Variants in RECQL5 observed in about 807,000 individuals in gnomAD.
RECQL5 encodes RecQ like helicase 5.
In RECQL5, 88 loss-of-function variants were observed where a neutral mutation model predicts 103.4. The observed-to-expected ratio is 0.85, with a 90% CI of 0.72 to 1.02. The LOEUF (loss-of-function observed/expected upper bound fraction) is 1.02, where lower values mean the gene tolerates loss of function less well. RECQL5 is among the 50% of genes least tolerant of loss of function. The pLI is 0.00. For missense variants in RECQL5, 1,232 were observed against 1,284.3 expected, an observed-to-expected ratio of 0.96 and a Z score of 0.62; for synonymous variants, 552 against 507.9, an observed-to-expected ratio of 1.09 and a Z score of -1.17.
chr17:75,631,494 G>A lies in RECQL5; in HGVS notation c.1404C>T (p.Pro468=), dbSNP rs776501213. 19 of 1,613,118 alleles carry A rather than the reference G, an allele frequency of 1.2e-5. No individual in the cohort carries two copies. Among genetic ancestry groups the A allele is most frequent in the African/African-American group, 1.3e-5 (1 of 74,950 alleles). The stretch of plus-strand genomic sequence containing the variant: ...CCTTGCGGCCTCCCTCATACAGCTC[G>A]GGGTCAAAGCCGTTCCCCTGGGAGG... ...IGPSQGNGFD[P]ELYEGGRKGY... Residue 468 remains proline (P), a synonymous_variant, in exon 9 of 20, where the codon CCC becomes CCT. Coordinates refer to ENST00000317905, the MANE Select transcript of RECQL5 (RefSeq NM_004259.7).
At position 75,661,696 on chromosome 17, in the gene RECQL5, C is replaced by T. The variant is rs373595702; in HGVS notation, c.784G>A (p.Gly262Ser). 1.3e-5 allele frequency: 21 copies of T among 1,613,680 alleles called. No homozygotes were observed. The highest frequency in any genetic ancestry group is 1.7e-5 in the Admixed American group (1 of 59,978). ...QEADKGLSGC[G>S]IVYCRTREAC... ...TCTCTAGTCCTGCAGTACACAATGC[C>T]GCAGCCAGATAACTGAATGGGGAGA... Residue 262 changes from glycine to serine, a missense_variant, in exon 5 of 20, where the codon GGC becomes AGC. Transcript: ENST00000317905.
At position 75,662,655 on chromosome 17, in the gene RECQL5, C is replaced by A; in HGVS notation, c.595G>T (p.Val199Phe). The part of the protein sequence containing the change: ...VALTATATPQ[V>F]QEDVFAALHL... ...AGGGCAGCAAACACGTCCTCTTGGA[C>A]CTGTGGGGTGGCTGTGGCGGTCAGA... Residue 199 changes from valine to phenylalanine, a missense_variant, in exon 4 of 20, where the codon GTC becomes TTC. Val to Phe is a conservative substitution (Grantham distance 50). Transcript: ENST00000317905. 1 of 1,614,136 alleles carries A rather than the reference C, an allele frequency of 6.2e-7. No homozygotes were observed. Among genetic ancestry groups the A allele is most frequent in the Non-Finnish European group, 8.5e-7 (1 of 1,180,026 alleles).
intron 8 of RECQL5, 72 bp from the exon 9 acceptor site, chr17:75,631,740 A>G: frequency 6.7e-7 from 1 of 1,489,314 alleles, no homozygotes; most frequent in Non-Finnish European, 9.2e-7. Context: ...CCCGAGCCTG[A>G]ATCGCTAGCT....
At position 75,640,802 on chromosome 17, in the gene RECQL5, C is replaced by T; in HGVS notation, c.1230-9134G>A. 1 of 1,550,398 alleles carries T rather than the reference C, an allele frequency of 6.4e-7. No homozygotes were observed. Among genetic ancestry groups the T allele is most frequent in the Non-Finnish European group, 8.7e-7 (1 of 1,146,908 alleles). Reference sequence around the variant, plus strand: ...TCCCGGCCCTCCAGCTACTGTTCTGCTGTTGCTGCTGATAGCCTGCAGCTG... The same window carrying T: ...TCCCGGCCCTCCAGCTACTGTTCTGTTGTTGCTGCTGATAGCCTGCAGCTG... On this transcript the variant is annotated intron_variant, in intron 8 of 19. Coordinates refer to ENST00000317905, the MANE Select transcript of RECQL5 (RefSeq NM_004259.7). This position sits in a 1 kb window ranked among gnomAD's most constrained non-coding sequence, Gnocchi z 4.6.
chr17:75,636,153 G>A lies in RECQL5; in HGVS notation c.1230-4485C>T, dbSNP rs1459445618. Among the ~76,000 whole-genome samples, 1 of 152,150 alleles carries A rather than the reference G, an allele frequency of 6.6e-6. No individual in the cohort carries two copies. Among genetic ancestry groups the A allele is most frequent in the Non-Finnish European group, 1.5e-5 (1 of 68,016 alleles). On this transcript the variant is annotated intron_variant, in intron 8 of 19. Transcript: ENST00000317905. The surrounding 1 kb of genome is among the most constrained non-coding windows in gnomAD (Gnocchi z 5.4). ...GCAGCTGGGCTACACTCCCTCTTAA[G>A]GCCAGAGGGAGCCACCACTTGCTCT...
intron 8 of RECQL5, chr17:75,650,726 T>C: frequency 1.9e-6 from 3 of 1,612,514 alleles, no homozygotes; most frequent in Non-Finnish European, 2.5e-6. Context: ...CGCCTGCAGA[T>C]GCAGGTAAAA....
Position 75,631,477 on chromosome 17 carries a change from C to T in RECQL5, c.1421G>A (p.Gly474Asp), listed in dbSNP as rs771287576. 6.2e-7 allele frequency: 1 copy of T among 1,611,904 alleles called. No individual in the cohort carries two copies. Among genetic ancestry groups the T allele is most frequent in the Non-Finnish European group, 8.5e-7 (1 of 1,178,874 alleles). Residue 474 changes from glycine (G) to aspartate (D), a missense_variant, in exon 9 of 20, where the codon GGC (glycine) becomes GAC (aspartate). Physicochemically the swap from Gly to Asp is moderately conservative, Grantham distance 94. Transcript: ENST00000317905. ...NGFDPELYEGGRKGYGDFSRY... is the reference protein window; with the variant it reads ...NGFDPELYEGDRKGYGDFSRY... ...GCTGAAGTCCCCGTAGCCCTTGCGG[C>T]CTCCCTCATACAGCTCGGGGTCAAA...
rs561273921 is a variant in RECQL5 at position 75,640,768 on chromosome 17, C to G, written c.1230-9100G>C. The G allele has an allele frequency of 1.9e-6, 3 of 1,547,302 alleles. 1 individual carries two copies. Among genetic ancestry groups the G allele is most frequent in the South Asian group, 2.4e-5 (2 of 83,980 alleles). ...CCTTTCTCTCCCCCAACCTGAGTCC[C>G]GTGCTCTCTCCCGGCCCTCCAGCTA... On this transcript the variant is annotated intron_variant, in intron 8 of 19. Transcript: ENST00000317905. The surrounding 1 kb of genome is among the most constrained non-coding windows in gnomAD (Gnocchi z 4.6).
Position 75,662,861 on chromosome 17 carries a change from G to A in RECQL5, c.389C>T (p.Pro130Leu), listed in dbSNP as rs573783187. The change falls in exon 4 of 20, where the codon CCA becomes CTA. Residue 130 changes from proline to leucine, a missense_variant. Transcript: ENST00000317905. ...KPQTKILYIT[P>L]EMAASSSFQP... ...GAAGGAGGATGAAGCTGCCATCTCT[G>A]GGGTGATGTACAGAATCTTGGTCTG... 1 of 1,614,122 alleles carries A rather than the reference G, an allele frequency of 6.2e-7. No individual in the cohort carries two copies. The highest frequency in any genetic ancestry group is 1.1e-5 in the South Asian group (1 of 91,080).
rs143606217 is a variant in RECQL5 at position 75,632,284 on chromosome 17, G to A, written c.1230-616C>T. Among the ~76,000 whole-genome samples, 5 of 152,362 alleles carry A rather than the reference G, an allele frequency of 3.3e-5. No homozygotes were observed. In the South Asian group the frequency reaches 6.2e-4, roughly 19 times the overall value. ...TGCATACGGTACTCAGGACAGTAACGTGATGTACAGGTTTGTGGTCTAGGA... is the reference window on the plus strand; with the variant it reads ...TGCATACGGTACTCAGGACAGTAACATGATGTACAGGTTTGTGGTCTAGGA... On this transcript the variant is annotated intron_variant, in intron 8 of 19. Transcript: ENST00000317905.
In RECQL5 at chr17:75,628,673, TGC is replaced by T; in HGVS notation, c.2577_2578del (p.Gln860GlyfsTer22). ...CAACAGACTCATCCCTGCCGGCACC[TGC>T]TGGGATCGAGGCCGCTTGCCCTTCC... On this transcript the variant is annotated frameshift_variant and splice_region_variant, in exon 17 of 20. Coordinates refer to ENST00000317905, the MANE Select transcript of RECQL5 (RefSeq NM_004259.7). LOFTEE classifies it high-confidence loss of function. The T allele has an allele frequency of 6.3e-7, 1 of 1,585,776 alleles. No individual in the cohort carries two copies. The highest frequency in any genetic ancestry group is 1.1e-5 in the South Asian group (1 of 87,058).
chr17:75,629,965 G>T, intron 14 of RECQL5, 123 bp from the exon 15 acceptor site: 1 of 1,348,862 alleles, frequency 7.4e-7, no homozygotes, highest in South Asian at 1.5e-5. Flanking sequence ...ACAGGCAACT[G>T]ACCACTGGGC....
At position 75,640,642 on chromosome 17, in the gene RECQL5, C is replaced by A; in HGVS notation, c.1230-8974G>T. ...CCCTGGCGGCTGGCATGGGGACCGT[C>A]CGCACCTCTCACCAGCCTCTCGGAT... is the stretch of plus-strand genomic sequence containing the variant. On this transcript the variant is annotated intron_variant, in intron 8 of 19. Transcript: ENST00000317905. The surrounding 1 kb of genome is among the most constrained non-coding windows in gnomAD (Gnocchi z 4.6). 1 of 1,448,930 alleles carries A rather than the reference C, an allele frequency of 6.9e-7. No individual in the cohort carries two copies. Among genetic ancestry groups the A allele is most frequent in the Non-Finnish European group, 9.1e-7 (1 of 1,094,618 alleles). The allele number at this position is 1,448,930 out of a possible 1,614,324, so 89.8% of individuals were successfully genotyped here.
chr17:75,631,079 A>G, intron 10 of RECQL5, 69 bp from the exon 11 acceptor site: 1 of 1,609,506 alleles, frequency 6.2e-7, no homozygotes, highest in Non-Finnish European at 8.5e-7. Context: ...CCAGCACCAG[A>G]GAAGGGGCTG....
chr17:75,635,159 G>A (rs937463132), intron 8 of RECQL5, among the ~76,000 whole-genome samples: 1 of 152,234 alleles, frequency 6.6e-6, no homozygotes, highest in Non-Finnish European at 1.5e-5. Context: ...TGGAAACCAA[G>A]GACTAGCCCA....
chr17:75,660,933 C>T (rs1023337073), intron 6 of RECQL5, 22 bp downstream of exon 6: 1 of 1,571,364 alleles, frequency 6.4e-7, no homozygotes, highest in African/African-American at 1.3e-5. Flanking sequence ...ACCAGGAGGG[C>T]AGGGCAAGAA....
chr17:75,650,238 G>A (rs1281101197), intron 8 of RECQL5: 3 of 992,088 alleles, frequency 3.0e-6, no homozygotes, highest in East Asian at 1.1e-4. Flanking sequence ...TTTGCTGGGC[G>A]TGGTCTTGCC....
chr17:75,640,057 T>G lies in RECQL5; in HGVS notation c.1230-8389A>C. On this transcript the variant is annotated intron_variant, in intron 8 of 19. Coordinates refer to ENST00000317905, the MANE Select transcript of RECQL5 (RefSeq NM_004259.7). This position sits in a 1 kb window ranked among gnomAD's most constrained non-coding sequence, Gnocchi z 4.6. ...CACCAGGGGTGCAATGTGTGAGACC[T>G]GACAAACTTGTTCTGCGGGCTGCGG... The G allele has an allele frequency of 8.2e-7, 1 of 1,224,754 alleles. No individual in the cohort carries two copies. Among genetic ancestry groups the G allele is most frequent in the African/African-American group, 1.5e-5 (1 of 65,280 alleles). 75.9% of individuals were successfully genotyped at this position (1,224,754 alleles called of 1,614,324 possible). A position where few individuals can be genotyped will look rare whatever the true frequency, so the allele number is the denominator to read the frequency against.
chr17:75,645,900 T>A (rs944097431), intron 8 of RECQL5, among the ~76,000 whole-genome samples: 1 of 152,118 alleles, frequency 6.6e-6, no homozygotes, highest in Non-Finnish European at 1.5e-5. Context: ...CCAGCTGGGA[T>A]AAGCACCCGA....
Sources: gnomAD v4.1 joint callset for allele counts (sites outside exome capture counted in the v4.1 genomes callset) on GRCh38, gnomAD v4.1.1 for gene constraint, Gnocchi (gnomAD v3.1) non-coding constraint, MANE v1.5 for transcripts, NCBI Gene and HGNC (gene_info 2026-07-23, HGNC 2026-07-21) for gene names.